Variants in RBFOX1 observed in about 807,000 individuals in gnomAD.
The protein encoded by RBFOX1 is RNA binding fox-1 homolog 1.
In RBFOX1, 8 loss-of-function variants were observed where a neutral mutation model predicts 57.7. The ratio of observed to expected loss-of-function variants is 0.14; its 90% CI spans 0.08 to 0.25. RBFOX1 has a LOEUF of 0.25. Among genes scored for constraint, RBFOX1 ranks in the 10% least tolerant of loss-of-function variants. The probability of loss-of-function intolerance (pLI) is 1.00; values close to 1 mark genes in which losing one functional copy is unlikely to be tolerated. For synonymous variants in RBFOX1, 326 were observed against 222.4 expected, an observed-to-expected ratio of 1.47 and a Z score of -4.15; for missense variants, 611 against 548.5, an observed-to-expected ratio of 1.11 and a Z score of -1.14.
rs1432451093 is a variant in RBFOX1, at chr16:5,320,648, T to C, written c.219+80543T>C. Among the ~76,000 whole-genome samples, 3 of 152,274 alleles carry C rather than the reference T, an allele frequency of 2.0e-5. No homozygotes were observed. The East Asian group carries it at 5.8e-4, about 29-fold the overall frequency. ...GTTCTGAATCTCAGGAGAGGAGAGC[T>C]TGTAGAGATGATGTGCTCAGGCAGG... is the stretch of plus-strand genomic sequence containing the variant. On this transcript the variant is annotated intron_variant, in intron 1 of 2. Transcript: ENST00000585867.
intron 2 of RBFOX1, among the ~76,000 whole-genome samples, chr16:5,497,772 A>G (rs539456960): frequency 1.4e-4 from 21 of 152,140 alleles, no homozygotes; most frequent in Non-Finnish European, 2.5e-4. Context: ...CAACAGAGTG[A>G]GATTCTGTTT....
chr16:5,577,037 A>G (rs138816591), intron 2 of RBFOX1, among the ~76,000 whole-genome samples: 39 of 152,170 alleles, frequency 2.6e-4, no homozygotes, highest in African/African-American at 9.1e-4. Context: ...CTCTCTCCCC[A>G]ATTTCCCTCT....
intron 4 of RBFOX1, among the ~76,000 whole-genome samples, chr16:7,101,528 C>G (rs1567260085): frequency 6.6e-6 from 1 of 152,024 alleles, no homozygotes; most frequent in Admixed American, 6.6e-5. Context: ...TGTATCCAAC[C>G]AAAAGCATTC....
At chr16:7,464,399 T>C (rs1279660232) in intron 4 of RBFOX1, among the ~76,000 whole-genome samples, 4 of 151,904 alleles carry the variant, frequency 2.6e-5, no homozygotes, top group African/African-American at 4.8e-5. Flanking sequence ...GCATCCAAGA[T>C]CAAACAAGAC....
intron 3 of RBFOX1, among the ~76,000 whole-genome samples, chr16:5,668,411 A>G (rs945504924): frequency 3.9e-5 from 6 of 152,208 alleles, no homozygotes; most frequent in Non-Finnish European, 7.3e-5. Context: ...AGCTTTAGAA[A>G]CCTGTGAGAA....
At chr16:5,715,984 A>G (rs2051683578) in intron 3 of RBFOX1, among the ~76,000 whole-genome samples, 1 of 152,110 alleles carries the variant, frequency 6.6e-6, no homozygotes, top group African/African-American at 2.4e-5. Flanking sequence ...TAATTCTCTC[A>G]TTTGCTCCCT....
intron 1 of RBFOX1, among the ~76,000 whole-genome samples, chr16:6,069,120 C>T (rs767706183): frequency 1.1e-4 from 16 of 151,974 alleles, no homozygotes; most frequent in Admixed American, 9.2e-4. Flanking sequence ...AGGGAGAGGC[C>T]GGGCACGGCG....
At chr16:6,682,999 T>C (rs1049725317) in intron 3 of RBFOX1, among the ~76,000 whole-genome samples, 2 of 151,994 alleles carry the variant, frequency 1.3e-5, no homozygotes, top group African/African-American at 2.4e-5. Context: ...TTTACACAGC[T>C]GGGCAAGGAG....
intron 3 of RBFOX1, among the ~76,000 whole-genome samples, chr16:5,814,560 A>T (rs1389577370): frequency 1.3e-5 from 2 of 152,354 alleles, no homozygotes; most frequent in East Asian, 3.9e-4. Flanking sequence ...AACTTGCCCA[A>T]GGTCATGAAA....
At chr16:5,457,774 C>G (rs575083568) in intron 1 of RBFOX1, among the ~76,000 whole-genome samples, 1 of 152,350 alleles carries the variant, frequency 6.6e-6, no homozygotes, top group Admixed American at 6.5e-5. Context: ...CTTCCTGGTA[C>G]TTATTTTAAT....
At chr16:5,602,959 C>T (rs562909774), downstream of RBFOX1, among the ~76,000 whole-genome samples, 3 of 152,306 alleles carry the variant, frequency 2.0e-5, no homozygotes, top group Admixed American at 1.3e-4. Context: ...AATGCTGTGT[C>T]GTTCCTCTAG....
At chr16:5,755,469 C>T (rs896303205) in intron 3 of RBFOX1, among the ~76,000 whole-genome samples, 4 of 152,200 alleles carry the variant, frequency 2.6e-5, no homozygotes, top group Non-Finnish European at 5.9e-5. Context: ...TGGCATGTGG[C>T]TGTTGAGTGT....
chr16:6,959,436 G>A (rs2082499367), intron 3 of RBFOX1, among the ~76,000 whole-genome samples: 1 of 152,212 alleles, frequency 6.6e-6, no homozygotes, highest in Non-Finnish European at 1.5e-5. Context: ...CAGCAGGGAT[G>A]AAGGCAGAAG....
chr16:7,330,940 A>G (rs1439122564), intron 4 of RBFOX1, among the ~76,000 whole-genome samples: 2 of 152,128 alleles, frequency 1.3e-5, no homozygotes, highest in Non-Finnish European at 2.9e-5. Context: ...GTCAAAAGCT[A>G]AAGTTAGAAA....
At chr16:5,483,282 C>A (rs948706850) in intron 2 of RBFOX1, among the ~76,000 whole-genome samples, 5 of 152,194 alleles carry the variant, frequency 3.3e-5, no homozygotes, top group African/African-American at 1.2e-4. Context: ...GGCACGTACT[C>A]CCACTTCATG....
In RBFOX1 at chr16:5,301,635, A is replaced by AAAC. The variant is rs1555484671; in HGVS notation, c.219+61532_219+61533insCAA. Among the ~76,000 whole-genome samples, 13 of 142,028 alleles carry AAAC rather than the reference A, an allele frequency of 9.2e-5. No homozygotes were observed. The East Asian group carries it at 2.1e-3, about 23-fold the overall frequency. 93.2% of individuals were successfully genotyped at this position (142,028 alleles called of 152,430 possible). On this transcript the variant is annotated intron_variant, in intron 1 of 2. Coordinates refer to the RBFOX1 transcript ENST00000585867. ...CTCCATCTCAAAAAAAAAAAAAAAA[A>AAAC]AAACACACAAAAACAAAAAACTGAG...
intron 14 of RBFOX1, among the ~76,000 whole-genome samples, chr16:7,682,830 T>TTTG (rs199813268): frequency 2.0e-5 from 3 of 149,448 alleles, no homozygotes; most frequent in Admixed American, 6.7e-5. Context: ...ACAGATCCAT[T>TTTG]TTGTTGTTGT....
intron 4 of RBFOX1, among the ~76,000 whole-genome samples, chr16:5,872,868 A>G (rs1023472346): frequency 6.6e-6 from 1 of 152,212 alleles, no homozygotes; most frequent in African/African-American, 2.4e-5. Context: ...AAGTAAAACA[A>G]TAATTAGGGT....
chr16:6,753,630 G>C (rs1294900172), intron 3 of RBFOX1, among the ~76,000 whole-genome samples: 2 of 152,150 alleles, frequency 1.3e-5, no homozygotes, highest in Non-Finnish European at 2.9e-5. Flanking sequence ...CAGAGCGAAA[G>C]GGAGAAAAAG....
Sources: allele counts gnomAD v4.1 joint callset (sites outside exome capture counted in the v4.1 genomes callset), GRCh38; gene constraint gnomAD v4.1.1; transcripts MANE v1.5; gene names NCBI Gene and HGNC (gene_info 2026-07-23, HGNC 2026-07-21).